The following C2orf69 variants were observed in gnomAD, a reference collection of about 807,000 sequenced individuals.
The protein encoded by C2orf69 is mitochondrial protein C2orf69.
C2orf69 carries 19 observed loss-of-function variants against 29.5 expected under a neutral mutation model. That is an observed-to-expected ratio of 0.65 (90% CI 0.45 to 0.95). The LOEUF is 0.95. Among genes scored for constraint, C2orf69 ranks in the 40% least tolerant of loss-of-function variants. C2orf69 has a pLI of 0.00. For missense variants in C2orf69, 416 were observed against 482.1 expected, an observed-to-expected ratio of 0.86 and a Z score of 1.28; for synonymous variants, 194 against 180.0, an observed-to-expected ratio of 1.08 and a Z score of -0.62.
chr2:199,924,931 C>T (rs931915438), intron 1 of C2orf69, 131 bp from the exon 2 acceptor site: 1 of 597,578 alleles, frequency 1.7e-6, no homozygotes, highest in Non-Finnish European at 3.0e-6. Context: ...TTATAGTTTT[C>T]ATTTCTAGTG....
chr2:199,915,373 T>G (rs2077289169), intron 1 of C2orf69, among the ~76,000 whole-genome samples: 1 of 151,630 alleles, frequency 6.6e-6, no homozygotes, highest in South Asian at 2.1e-4. Context: ...CCTTTTAAAG[T>G]GTTGGGATTA....
At position 199,913,484 on chromosome 2, in the gene C2orf69, A is replaced by ATG. The variant is rs1317523147; in HGVS notation, c.333+1714_333+1715insGT. Among the ~76,000 whole-genome samples the ATG allele has an allele frequency of 1.1e-4, 11 of 97,388 alleles. 1 individual carries two copies. Among genetic ancestry groups the ATG allele is most frequent in the Non-Finnish European group, 1.7e-4 (9 of 53,228 alleles). 63.9% of individuals were successfully genotyped at this position (97,388 alleles called of 152,430 possible). A position where few individuals can be genotyped will look rare whatever the true frequency, so the allele number is the denominator to read the frequency against. ...ATATAAAATATATATTATATAAAAT[A>ATG]TATATTATATTATATAAAATATATA... On this transcript the variant is annotated intron_variant, in intron 1 of 1. Transcript: ENST00000319974.
At chr2:199,915,324 G>A (rs984900153) in intron 1 of C2orf69, among the ~76,000 whole-genome samples, 8 of 152,072 alleles carry the variant, frequency 5.3e-5, no homozygotes, top group African/African-American at 1.7e-4. Flanking sequence ...GTCTCACTAT[G>A]TTGCCCACTC....
intron 1 of C2orf69, among the ~76,000 whole-genome samples, chr2:199,918,956 T>G (rs999390225): frequency 6.6e-6 from 1 of 152,170 alleles, no homozygotes; most frequent in Non-Finnish European, 1.5e-5. Context: ...TTTTTTTCAT[T>G]GTTCTTTTTT....
chr2:199,923,825 G>A (rs900240941), intron 1 of C2orf69, among the ~76,000 whole-genome samples: 1 of 152,056 alleles, frequency 6.6e-6, no homozygotes, highest in Non-Finnish European at 1.5e-5. Context: ...TATTTCTGTT[G>A]GACAGTGCTG....
At position 199,913,242 on chromosome 2, in the gene C2orf69, A is replaced by T. The variant is rs868503585; in HGVS notation, c.333+1471A>T. ...ATATAATATATATTATAATATATAT[A>T]ATATATATTATATAAAATATATTCT... On this transcript the variant is annotated intron_variant, in intron 1 of 1. Coordinates refer to ENST00000319974, the MANE Select transcript of C2orf69 (RefSeq NM_153689.6). Among the ~76,000 whole-genome samples, 20 of 84,784 alleles carry T rather than the reference A, an allele frequency of 2.4e-4. 2 individuals carry two copies. The highest frequency in any genetic ancestry group is 9.4e-4 in the East Asian group (3 of 3,180). The allele number at this position is 84,784 out of a possible 152,430, so 55.6% of individuals were successfully genotyped here.
At chr2:199,921,957 C>G (rs1357239710) in intron 1 of C2orf69, among the ~76,000 whole-genome samples, 2 of 146,168 alleles carry the variant, frequency 1.4e-5, no homozygotes, top group African/African-American at 5.1e-5. Flanking sequence ...TACGGTTTTA[C>G]ATTGAAAAGT....
intron 1 of C2orf69, 124 bp downstream of exon 1, chr2:199,911,895 G>A (rs1482443894): frequency 2.9e-6 from 4 of 1,367,906 alleles, no homozygotes; most frequent in Non-Finnish European, 3.9e-6. Context: ...CACATTCACT[G>A]AGGGTGGCTC....
rs759920958 is a variant in C2orf69 at position 199,925,464 on chromosome 2, A to G, written c.736A>G (p.Met246Val). ...CTGTGAAAAATCTGATGAGTCTGCC[A>G]TGAGTTTTTATCCACCATCACTAAA... ...RTCEKSDESA[M>V]SFYPPSLNDA... The change falls in exon 2 of 2, where the codon ATG becomes GTG. Residue 246 changes from methionine (M) to valine (V), a missense_variant. Coordinates refer to ENST00000319974, the MANE Select transcript of C2orf69 (RefSeq NM_153689.6). This position sits in a 1 kb window ranked among gnomAD's most constrained non-coding sequence, Gnocchi z 4.9. 40 of 1,613,716 alleles carry G rather than the reference A, an allele frequency of 2.5e-5. No homozygotes were observed. The Admixed American group carries it at 2.5e-4, about 10-fold the overall frequency.
Position 199,911,341 on chromosome 2 carries a change from C to T in C2orf69, c.-98C>T. On this transcript the variant is annotated 5_prime_UTR_variant, in exon 1 of 2. Coordinates refer to ENST00000319974, the MANE Select transcript of C2orf69 (RefSeq NM_153689.6). ...CGGCTCCCGGCCGGGCCGCGGCCGC[C>T]GACCGTTGAGCCGCCGGCTGAGCCG... is the stretch of plus-strand genomic sequence containing the variant. 1 of 1,347,240 alleles carries T rather than the reference C, an allele frequency of 7.4e-7. No individual in the cohort carries two copies. 83.5% of individuals were successfully genotyped at this position (1,347,240 alleles called of 1,614,324 possible).
rs2077261343 is a variant in C2orf69, at chr2:199,911,665, C to A, written c.227C>A (p.Ala76Glu). The A allele has an allele frequency of 6.5e-7, 1 of 1,548,168 alleles. No individual in the cohort carries two copies. The highest frequency in any genetic ancestry group is 2.0e-5 in the Admixed American group (1 of 50,970). Residue 76 changes from alanine to glutamate, a missense_variant, in exon 1 of 2, where the codon GCG becomes GAG. Transcript: ENST00000319974. Reference protein sequence around the residue: ...QRSNELLLLAAAGEGLERQDL... With the variant: ...QRSNELLLLAEAGEGLERQDL... ...AGCAACGAATTGCTCCTGTTGGCGG[C>A]GGCCGGGGAGGGACTGGAGCGGCAG...
At chr2:199,921,958 A>G (rs1047352260) in intron 1 of C2orf69, among the ~76,000 whole-genome samples, 10 of 146,332 alleles carry the variant, frequency 6.8e-5, no homozygotes, top group African/African-American at 2.3e-4. Context: ...ACGGTTTTAC[A>G]TTGAAAAGTA....
rs1553566021 is a variant in C2orf69 at position 199,922,031 on chromosome 2, T to TATATA, written c.334-3031_334-3030insATATA. ...TTCCCCAAGGCTGCCACTGTTATTT[T>TATATA]TATATATATATATATATATATATGC... is the stretch of plus-strand genomic sequence containing the variant. On this transcript the variant is annotated intron_variant, in intron 1 of 1. Transcript: ENST00000319974. 7.9e-3 allele frequency among the ~76,000 whole-genome samples: 625 copies of TATATA among 78,978 alleles called. 14 individuals are homozygous for TATATA. Among genetic ancestry groups the TATATA allele is most frequent in the Middle Eastern group, 0.018 (2 of 114 alleles). The allele number at this position is 78,978 out of a possible 152,430, so 51.8% of individuals were successfully genotyped here.
intron 1 of C2orf69, among the ~76,000 whole-genome samples, chr2:199,915,875 T>A (rs2077290932): frequency 6.6e-6 from 1 of 152,170 alleles, no homozygotes; most frequent in South Asian, 2.1e-4. Flanking sequence ...TTGGAACTGG[T>A]TTTTCATATG....
intron 1 of C2orf69, among the ~76,000 whole-genome samples, chr2:199,921,288 G>C (rs1266316119): frequency 6.6e-6 from 1 of 151,984 alleles, no homozygotes; most frequent in Non-Finnish European, 1.5e-5. Flanking sequence ...TTACAGACGT[G>C]AGCTACTGTG....
rs895813027 is a variant in C2orf69 at position 199,913,742 on chromosome 2, G to T, written c.333+1971G>T. Among the ~76,000 whole-genome samples, 5 of 151,442 alleles carry T rather than the reference G, an allele frequency of 3.3e-5. No homozygotes were observed. The Admixed American group carries it at 3.3e-4, about 10-fold the overall frequency. On this transcript the variant is annotated intron_variant, in intron 1 of 1. Transcript: ENST00000319974. ...GTGGCTCAGATTGGGAAAATAACATGTGACATTTCCGACTATGACTGCCAG... is the reference window on the plus strand; with the variant it reads ...GTGGCTCAGATTGGGAAAATAACATTTGACATTTCCGACTATGACTGCCAG...
Position 199,925,543 on chromosome 2 carries a change from A to G in C2orf69, c.815A>G (p.Gln272Arg). ...GFSKGCVVLN[Q>R]LLFELKEAKK... Reference sequence around the variant, plus strand: ...AGTAAAGGTTGTGTTGTTTTGAATCAGTTGCTTTTTGAATTGAAAGAAGCC... The same window carrying G: ...AGTAAAGGTTGTGTTGTTTTGAATCGGTTGCTTTTTGAATTGAAAGAAGCC... Residue 272 changes from glutamine to arginine, a missense_variant, in exon 2 of 2, where the codon CAG (glutamine) becomes CGG (arginine). Around this residue, in one of 4 missense-constraint regions of C2orf69, gnomAD observed 225 missense variants for 307.3 expected, o/e 0.73. Transcript: ENST00000319974. This position sits in a 1 kb window ranked among gnomAD's most constrained non-coding sequence, Gnocchi z 4.9. 2 of 1,613,922 alleles carry G rather than the reference A, an allele frequency of 1.2e-6. No homozygotes were observed. Among genetic ancestry groups the G allele is most frequent in the Non-Finnish European group, 1.7e-6 (2 of 1,179,832 alleles).
chr2:199,925,409 G>A lies in C2orf69; in HGVS notation c.681G>A (p.Thr227=), dbSNP rs202114209. The change falls in exon 2 of 2, where the codon ACG becomes ACA. Residue 227 remains threonine, a synonymous_variant. Transcript: ENST00000319974. The surrounding 1 kb of genome is among the most constrained non-coding windows in gnomAD (Gnocchi z 4.9). The part of the protein sequence containing the change: ...SNCRSSPSHT[T]NGCQGEKVRT... Reference sequence around the variant, plus strand: ...GTAGATCCAGTCCTTCTCATACTACGAATGGTTGCCAGGGAGAAAAAGTGA... The same window carrying A: ...GTAGATCCAGTCCTTCTCATACTACAAATGGTTGCCAGGGAGAAAAAGTGA... 4.2e-5 allele frequency: 68 copies of A among 1,613,620 alleles called. 1 individual carries two copies. Among genetic ancestry groups the A allele is most frequent in the Non-Finnish European group, 5.4e-5 (64 of 1,179,832 alleles).
rs138216549 is a variant in C2orf69 at position 199,917,897 on chromosome 2, G to A, written c.333+6126G>A. Among the ~76,000 whole-genome samples, 129 of 152,324 alleles carry A rather than the reference G, an allele frequency of 8.5e-4. 2 individuals carry two copies. Among genetic ancestry groups the A allele is most frequent in the African/African-American group, 2.9e-3 (119 of 41,582 alleles). On this transcript the variant is annotated intron_variant, in intron 1 of 1. Coordinates refer to ENST00000319974, the MANE Select transcript of C2orf69 (RefSeq NM_153689.6). ...ACTAGGTAATTTATAAAGCAAAGAG[G>A]TTTAATTGGCTCACAGTTTCACAGG...
Sources: allele counts gnomAD v4.1 joint callset (sites outside exome capture counted in the v4.1 genomes callset), GRCh38; gene constraint gnomAD v4.1.1; regional missense constraint gnomAD v4.1.1; non-coding constraint Gnocchi (gnomAD v3.1); transcripts MANE v1.5; gene names NCBI Gene and HGNC (gene_info 2026-07-23, HGNC 2026-07-21).